The following TMEM163 variants were observed in gnomAD, a reference collection of about 807,000 sequenced individuals.
The protein encoded by TMEM163 is transmembrane protein 163.
A neutral mutation model predicts 29.3 loss-of-function variants in TMEM163; 17 were observed. That is an observed-to-expected ratio of 0.58 (90% CI 0.40 to 0.87). The LOEUF (loss-of-function observed/expected upper bound fraction) is 0.87, where lower values mean the gene tolerates loss of function less well. TMEM163 is among the 40% of genes least tolerant of loss of function. The pLI is 0.00. For synonymous variants in TMEM163, 157 were observed against 160.6 expected, an observed-to-expected ratio of 0.98 and a Z score of 0.17; for missense variants, 303 against 381.5, an observed-to-expected ratio of 0.79 and a Z score of 1.71.
chr2:134,601,032 G>C (rs1013080409), intron 2 of TMEM163, among the ~76,000 whole-genome samples: 1 of 151,548 alleles, frequency 6.6e-6, no homozygotes, highest in Admixed American at 6.6e-5. Flanking sequence ...ACACACACAC[G>C]CATGTATATA....
At chr2:134,635,916 C>G (rs1374215331) in intron 2 of TMEM163, among the ~76,000 whole-genome samples, 1 of 152,154 alleles carries the variant, frequency 6.6e-6, no homozygotes, top group African/African-American at 2.4e-5. Flanking sequence ...GGGGTTGACA[C>G]TCATTGGGGA....
Position 134,634,187 on chromosome 2 carries a change from G to A in TMEM163, c.322+79013C>T, listed in dbSNP as rs975726174. On this transcript the variant is annotated intron_variant, in intron 2 of 7. Transcript: ENST00000281924. ...AGATGGGGCATGAACAAAAAAGCCT[G>A]TGTGCCTCAAAGCTAGGCTTGGTTT... 2.6e-5 allele frequency among the ~76,000 whole-genome samples: 4 copies of A among 151,968 alleles called. No homozygotes were observed. The South Asian group carries it at 6.3e-4, about 24-fold the overall frequency.
intron 4 of TMEM163, among the ~76,000 whole-genome samples, chr2:134,526,233 T>C (rs982886872): frequency 6.6e-6 from 1 of 152,204 alleles, no homozygotes; most frequent in Non-Finnish European, 1.5e-5. Flanking sequence ...AGTTTTTCCT[T>C]CTTTTTAATA....
chr2:134,669,733 G>C (rs936686880), intron 2 of TMEM163, among the ~76,000 whole-genome samples: 7 of 152,176 alleles, frequency 4.6e-5, no homozygotes, highest in African/African-American at 1.7e-4. Context: ...AAGGCAAATC[G>C]GCTTCCACCT....
chr2:134,531,830 C>T (rs566581005), intron 4 of TMEM163, among the ~76,000 whole-genome samples: 71 of 152,298 alleles, frequency 4.7e-4, no homozygotes, highest in African/African-American at 1.6e-3. Flanking sequence ...GGCACATCAA[C>T]TTAACTTTCA....
intron 2 of TMEM163, among the ~76,000 whole-genome samples, chr2:134,631,072 A>G (rs554856893): frequency 6.6e-6 from 1 of 152,308 alleles, no homozygotes; most frequent in East Asian, 1.9e-4. Context: ...AAGAACCTAA[A>G]AGGAATGAAT....
intron 2 of TMEM163, among the ~76,000 whole-genome samples, chr2:134,566,572 A>AT (rs1323185556): frequency 2.0e-5 from 3 of 151,924 alleles, no homozygotes; most frequent in East Asian, 1.9e-4. Flanking sequence ...CAAAAAAAAA[A>AT]TTTTTTTTGC....
At position 134,460,075 on chromosome 2, in the gene TMEM163, A is replaced by ACCC. The variant is rs5834416; in HGVS notation, c.668-1905_668-1903dup. On this transcript the variant is annotated intron_variant, in intron 6 of 7. Coordinates refer to ENST00000281924, the MANE Select transcript of TMEM163 (RefSeq NM_030923.5). The surrounding 1 kb of genome is among the most constrained non-coding windows in gnomAD (Gnocchi z 4.3). ...CCCCTCGAGCCCCTTGCCAGATGTT[A>ACCC]CCCCCCCCCAAATTCATTCTCACTC... Among the ~76,000 whole-genome samples the ACCC allele has an allele frequency of 9.2e-4, 110 of 120,034 alleles. No homozygotes were observed. Among genetic ancestry groups the ACCC allele is most frequent in the Middle Eastern group, 4.2e-3 (1 of 238 alleles). 78.7% of individuals were successfully genotyped at this position (120,034 alleles called of 152,430 possible). A position where few individuals can be genotyped will look rare whatever the true frequency, so the allele number is the denominator to read the frequency against.
chr2:134,586,760 C>T (rs6705191), intron 2 of TMEM163, among the ~76,000 whole-genome samples: 4,612 of 152,212 alleles, frequency 0.03, 109 homozygotes, highest in Admixed American at 0.082. Flanking sequence ...AGTCACGAGA[C>T]GGCAGGAAGC....
In TMEM163 at chr2:134,516,239, A is replaced by AT. The variant is rs1680053788; in HGVS notation, c.459-13243dup. Reference sequence around the variant, plus strand: ...GTAGGCACAGGTCATCCAAGATGATATTAAGCATATATAAAATATGGGCCA... The same window carrying AT: ...GTAGGCACAGGTCATCCAAGATGATATTTAAGCATATATAAAATATGGGCCA... On this transcript the variant is annotated intron_variant, in intron 4 of 7. Coordinates refer to ENST00000281924, the MANE Select transcript of TMEM163 (RefSeq NM_030923.5). Among the ~76,000 whole-genome samples the AT allele has an allele frequency of 2.0e-5, 3 of 152,320 alleles. No individual in the cohort carries two copies. In the South Asian group the frequency reaches 6.2e-4, roughly 32 times the overall value.
intron 6 of TMEM163, among the ~76,000 whole-genome samples, chr2:134,463,451 C>G (rs987110823): frequency 6.6e-6 from 1 of 152,234 alleles, no homozygotes; most frequent in African/African-American, 2.4e-5. Flanking sequence ...AATCCCAGGT[C>G]TGCCCCAGAC....
At chr2:134,466,076 C>A (rs1686663491) in intron 6 of TMEM163, 38 bp downstream of exon 6, 3 of 1,489,890 alleles carry the variant, frequency 2.0e-6, no homozygotes, top group Non-Finnish European at 2.8e-6. Context: ...CCACTGTGAG[C>A]CCAGCCCCCA....
At chr2:134,512,778 G>A (rs1679978469) in intron 4 of TMEM163, among the ~76,000 whole-genome samples, 1 of 152,196 alleles carries the variant, frequency 6.6e-6, no homozygotes, top group South Asian at 2.1e-4. Flanking sequence ...CAGGATTTAG[G>A]CATTTACAAA....
At chr2:134,543,041 C>G (rs1381387281) in intron 4 of TMEM163, among the ~76,000 whole-genome samples, 5 of 152,210 alleles carry the variant, frequency 3.3e-5, no homozygotes, top group African/African-American at 1.2e-4. Flanking sequence ...TGCAAAGACC[C>G]TGTTTCCAAA....
chr2:134,521,198 C>T (rs968914945), intron 4 of TMEM163, among the ~76,000 whole-genome samples: 5 of 152,050 alleles, frequency 3.3e-5, no homozygotes, highest in African/African-American at 9.7e-5. Context: ...GGGGTTTCAC[C>T]GAGTTAGCCA....
At chr2:134,516,623 A>C (rs1486408255) in intron 4 of TMEM163, among the ~76,000 whole-genome samples, 1 of 148,178 alleles carries the variant, frequency 6.7e-6, no homozygotes, top group Non-Finnish European at 1.5e-5. Flanking sequence ...ATATTCATAT[A>C]TTTTTATATA....
intron 2 of TMEM163, among the ~76,000 whole-genome samples, chr2:134,556,772 G>A (rs1681057828): frequency 6.6e-6 from 1 of 152,192 alleles, no homozygotes; most frequent in African/African-American, 2.4e-5. Flanking sequence ...AATGAGCCAA[G>A]ATCACACCAC....
intron 6 of TMEM163, among the ~76,000 whole-genome samples, chr2:134,461,974 G>A (rs543007947): frequency 1.3e-5 from 2 of 152,150 alleles, no homozygotes; most frequent in African/African-American, 4.8e-5. Context: ...ATTATAGATC[G>A]CTCCCTAGTT....
chr2:134,654,277 A>C (rs1683548286), intron 2 of TMEM163, among the ~76,000 whole-genome samples: 1 of 122,368 alleles, frequency 8.2e-6, no homozygotes, highest in Non-Finnish European at 1.6e-5. Flanking sequence ...CTTCTTGTTG[A>C]ATTGATCCCT....
Sources: gnomAD v4.1 joint callset for allele counts (sites outside exome capture counted in the v4.1 genomes callset) on GRCh38, gnomAD v4.1.1 for gene constraint, Gnocchi (gnomAD v3.1) non-coding constraint, MANE v1.5 for transcripts, NCBI Gene and HGNC (gene_info 2026-07-23, HGNC 2026-07-21) for gene names.